The following ZNF385D variants were observed in gnomAD, a reference collection of about 807,000 sequenced individuals.
The protein encoded by ZNF385D is zinc finger protein 385D.
Under a neutral mutation model 35.8 loss-of-function variants are expected in ZNF385D, and 15 were observed. That is an observed-to-expected ratio of 0.42 (90% CI 0.28 to 0.64). ZNF385D has a LOEUF of 0.64. ZNF385D is among the 30% of genes least tolerant of loss of function. ZNF385D has a pLI of 0.23. For synonymous variants in ZNF385D, 212 were observed against 186.8 expected (o/e 1.13, Z -1.10); for missense variants, 474 against 494.6 (o/e 0.96, Z 0.39).
chr3:22,176,198 G>GAT (rs367798901), intron 2 of ZNF385D, among the ~76,000 whole-genome samples: 30 of 151,154 alleles, frequency 2.0e-4, no homozygotes, highest in Non-Finnish European at 4.1e-4. Flanking sequence ...CAGCTTCAGT[G>GAT]GTGTGTGTGT....
At chr3:21,814,024 C>T (rs1009343902) in intron 3 of ZNF385D, among the ~76,000 whole-genome samples, 7 of 152,150 alleles carry the variant, frequency 4.6e-5, no homozygotes, top group Admixed American at 2.6e-4. Flanking sequence ...CCATACAAGC[C>T]AGAAGAGAGT....
intron 2 of ZNF385D, among the ~76,000 whole-genome samples, chr3:21,596,395 A>G (rs951818847): frequency 1.3e-5 from 2 of 152,166 alleles, no homozygotes; most frequent in African/African-American, 4.8e-5. Context: ...TCCGAGTCTC[A>G]TTTTCAAATA....
intron 1 of ZNF385D, among the ~76,000 whole-genome samples, chr3:21,722,384 G>GA (rs2068580525): frequency 6.6e-6 from 1 of 152,120 alleles, no homozygotes; most frequent in Non-Finnish European, 1.5e-5. Context: ...CTTTGCTCTT[G>GA]AAAACCACCA....
chr3:21,962,868 G>C lies in ZNF385D; in HGVS notation c.325+205949C>G, dbSNP rs1702673829. ...AAACAAAGTTAAAATTGATTTTCAT[G>C]TTGCAAGACATCTTGGAGTCACCAT... On this transcript the variant is annotated intron_variant, in intron 3 of 5. Transcript: ENST00000494108. Among the ~76,000 whole-genome samples, 3 of 152,262 alleles carry C rather than the reference G, an allele frequency of 2.0e-5. No individual in the cohort carries two copies. In the South Asian group the frequency reaches 6.2e-4, roughly 32 times the overall value.
At chr3:22,298,426 TA>T (rs1702715820) in intron 2 of ZNF385D, among the ~76,000 whole-genome samples, 1 of 145,376 alleles carries the variant, frequency 6.9e-6, no homozygotes, top group African/African-American at 2.5e-5. Flanking sequence ...CATTTATATA[TA>T]ATATATAAAT....
At position 21,863,439 on chromosome 3, in the gene ZNF385D, C is replaced by T. The variant is rs115457336; in HGVS notation, c.326-198411G>A. 7.0e-3 allele frequency among the ~76,000 whole-genome samples: 1,058 copies of T among 152,220 alleles called. 13 individuals are homozygous for T. Among genetic ancestry groups the T allele is most frequent in the African/African-American group, 0.024 (992 of 41,548 alleles). ...AATAATTAACAAATGTCAAAATGCTCATATCGAAAGTTTGTCTTCATTCTT... is the reference window on the plus strand; with the variant it reads ...AATAATTAACAAATGTCAAAATGCTTATATCGAAAGTTTGTCTTCATTCTT... On this transcript the variant is annotated intron_variant, in intron 3 of 5. Coordinates refer to the ZNF385D transcript ENST00000494108.
chr3:22,204,957 A>G (rs902165585), intron 2 of ZNF385D, among the ~76,000 whole-genome samples: 1 of 149,878 alleles, frequency 6.7e-6, no homozygotes, highest in African/African-American at 2.5e-5. Context: ...GTAAAGTGCT[A>G]TAAAAGAGGA....
At chr3:22,169,286 TATC>T (rs947155283) in intron 2 of ZNF385D, among the ~76,000 whole-genome samples, 6 of 152,200 alleles carry the variant, frequency 3.9e-5, no homozygotes, top group Non-Finnish European at 7.3e-5. Flanking sequence ...TTCATTTAAT[TATC>T]ATAACAATGT....
intron 3 of ZNF385D, among the ~76,000 whole-genome samples, chr3:21,881,367 A>G (rs1168459745): frequency 6.6e-6 from 1 of 151,968 alleles, no homozygotes; most frequent in Non-Finnish European, 1.5e-5. Flanking sequence ...GCCCTTAAGA[A>G]TGATGCTAAA....
At chr3:22,328,067 T>TA (rs1028240590) in intron 2 of ZNF385D, among the ~76,000 whole-genome samples, 8 of 152,194 alleles carry the variant, frequency 5.3e-5, no homozygotes, top group African/African-American at 1.9e-4. Flanking sequence ...ACATATGTCT[T>TA]TTATTTAGGT....
At chr3:22,268,444 G>A (rs939346297) in intron 2 of ZNF385D, among the ~76,000 whole-genome samples, 2 of 151,958 alleles carry the variant, frequency 1.3e-5, no homozygotes, top group Admixed American at 6.6e-5. Flanking sequence ...TTAAAAAAGA[G>A]GATAGTAAAT....
At chr3:21,947,192 C>T (rs73046342) in intron 3 of ZNF385D, among the ~76,000 whole-genome samples, 211 of 152,204 alleles carry the variant, frequency 1.4e-3, no homozygotes, top group Middle Eastern at 6.8e-3. Flanking sequence ...ACTTACAACT[C>T]CACACACAGC....
At chr3:21,461,415 G>A (rs535336213) in intron 4 of ZNF385D, among the ~76,000 whole-genome samples, 1 of 152,188 alleles carries the variant, frequency 6.6e-6, no homozygotes, top group South Asian at 2.1e-4. Context: ...GGGCGTCGTG[G>A]TGGGTGCCTG....
chr3:21,811,260 C>G (rs563015305), intron 3 of ZNF385D, among the ~76,000 whole-genome samples: 3 of 152,074 alleles, frequency 2.0e-5, no homozygotes, highest in Admixed American at 1.3e-4. Context: ...ACACCCTGAT[C>G]GCTCAAAATA....
chr3:22,027,664 T>C (rs557621455), intron 3 of ZNF385D, among the ~76,000 whole-genome samples: 2 of 152,220 alleles, frequency 1.3e-5, no homozygotes, highest in South Asian at 2.1e-4. Flanking sequence ...TGTCTAGCCA[T>C]AAAGTGGGTC....
At chr3:21,637,793 G>A (rs1172667512) in intron 2 of ZNF385D, among the ~76,000 whole-genome samples, 1 of 151,994 alleles carries the variant, frequency 6.6e-6, no homozygotes, top group Non-Finnish European at 1.5e-5. Context: ...AATTTTAAAT[G>A]AACTTAAATG....
At chr3:22,046,165 C>A (rs1698994640) in intron 3 of ZNF385D, among the ~76,000 whole-genome samples, 1 of 152,056 alleles carries the variant, frequency 6.6e-6, no homozygotes, top group African/African-American at 2.4e-5. Context: ...AAACAAATGG[C>A]CACTAAGAGG....
intron 3 of ZNF385D, among the ~76,000 whole-genome samples, chr3:21,776,075 AATC>A (rs1387035492): frequency 2.0e-5 from 3 of 151,084 alleles, no homozygotes; most frequent in Non-Finnish European, 4.4e-5. Flanking sequence ...ATACAATCAA[AATC>A]TTCTGTCATT....
At chr3:21,643,756 C>T (rs6550616) in intron 2 of ZNF385D, among the ~76,000 whole-genome samples, 110,445 of 151,950 alleles carry the variant, frequency 0.73, 40,391 homozygotes, top group Admixed American at 0.77. Flanking sequence ...TGAGGTGATC[C>T]GCCGAGACCC....
Sources: gnomAD v4.1 joint callset for allele counts (sites outside exome capture counted in the v4.1 genomes callset) on GRCh38, gnomAD v4.1.1 for gene constraint, MANE v1.5 for transcripts, NCBI Gene and HGNC (gene_info 2026-07-23, HGNC 2026-07-21) for gene names.